Variants in SAMD5 observed in about 807,000 individuals in gnomAD.
The protein encoded by SAMD5 is sterile alpha motif domain containing 5, also known as sterile alpha motif domain-containing protein 5.
Under a neutral mutation model 11.3 loss-of-function variants are expected in SAMD5, and 13 were observed. The observed-to-expected ratio is 1.15, with a 90% confidence interval of 0.75 to 1.83. The LOEUF is 1.83. SAMD5 is among the 40% of genes most tolerant of loss of function. The pLI, the probability that SAMD5 is intolerant of heterozygous loss-of-function variation, is 0.00. For synonymous variants in SAMD5, 129 were observed against 111.3 expected (o/e 1.16, Z -1.00); for missense variants, 255 against 239.1 (o/e 1.07, Z -0.44).
At chr6:147,588,518 G>A (rs754005076) in intron 1 of SAMD5, among the ~76,000 whole-genome samples, 1 of 151,732 alleles carries the variant, frequency 6.6e-6, no homozygotes, top group Non-Finnish European at 1.5e-5. Context: ...TAGAGACAGG[G>A]TCTCATCATG....
In SAMD5 at chr6:147,711,835, T is replaced by C. The variant is rs1009391314; in HGVS notation, c.163-25482T>C. On this transcript the variant is annotated intron_variant, in intron 1 of 1. Coordinates refer to the SAMD5 transcript ENST00000566741. The surrounding 1 kb of genome is among the most constrained non-coding windows in gnomAD (Gnocchi z 4.1). Reference sequence around the variant, plus strand: ...GATACTCTGATGACATTAGTAACAGTGTCAAATGTCATGAATGGCTAATTG... The same window carrying C: ...GATACTCTGATGACATTAGTAACAGCGTCAAATGTCATGAATGGCTAATTG... 5.9e-5 allele frequency among the ~76,000 whole-genome samples: 9 copies of C among 152,188 alleles called. No individual in the cohort carries two copies. Among genetic ancestry groups the C allele is most frequent in the African/African-American group, 1.9e-4 (8 of 41,444 alleles).
chr6:147,536,441 A>C (rs1788510485), intron 1 of SAMD5, among the ~76,000 whole-genome samples: 1 of 152,258 alleles, frequency 6.6e-6, no homozygotes, highest in African/African-American at 2.4e-5. Flanking sequence ...TAAAAGTTGC[A>C]AATAGCTTTA....
Position 147,627,694 on chromosome 6 carries a change from G to A in SAMD5, c.163-109623G>A, listed in dbSNP as rs141983477. 7.9e-5 allele frequency among the ~76,000 whole-genome samples: 12 copies of A among 152,140 alleles called. No homozygotes were observed. The East Asian group carries it at 2.3e-3, about 29-fold the overall frequency. On this transcript the variant is annotated intron_variant, in intron 1 of 1. Transcript: ENST00000566741. ...TCCTTTTCCCTGTGTTTTTTATGAT[G>A]CCCAGTCTAGATTTTTGCAGTGCTC...
At chr6:147,635,205 T>A (rs1790209784) in intron 1 of SAMD5, among the ~76,000 whole-genome samples, 1 of 144,964 alleles carries the variant, frequency 6.9e-6, no homozygotes, top group African/African-American at 2.5e-5. Context: ...GTCACTACCC[T>A]CATCGCCGTC....
At chr6:147,623,020 C>A (rs1039960363) in intron 1 of SAMD5, among the ~76,000 whole-genome samples, 1 of 152,182 alleles carries the variant, frequency 6.6e-6, no homozygotes, top group East Asian at 1.9e-4. Context: ...CCCACCAGGT[C>A]CCTCCCACAA....
chr6:147,927,887 T>C, the SAMD5 span, among the ~76,000 whole-genome samples: 296 of 152,328 alleles, frequency 1.9e-3, no homozygotes, highest in African/African-American at 6.9e-3. Flanking sequence ...AAATGTTAGA[T>C]TTTATCTAAA....
the SAMD5 span, among the ~76,000 whole-genome samples, chr6:147,834,528 G>A: frequency 1.3e-5 from 2 of 152,222 alleles, no homozygotes; most frequent in Non-Finnish European, 2.9e-5. Flanking sequence ...CGAGGACAAG[G>A]ATGAGAAGGC....
At chr6:147,712,170 T>G (rs1791409793) in intron 1 of SAMD5, among the ~76,000 whole-genome samples, 2 of 152,192 alleles carry the variant, frequency 1.3e-5, no homozygotes, top group African/African-American at 4.8e-5. Flanking sequence ...ATTTTCTAAG[T>G]GTACTTTGAT....
chr6:147,636,846 C>T (rs1047353313), intron 1 of SAMD5, among the ~76,000 whole-genome samples: 1 of 152,208 alleles, frequency 6.6e-6, no homozygotes, highest in African/African-American at 2.4e-5. Flanking sequence ...CTGCTACCTA[C>T]TATTGTATTA....
the SAMD5 span, among the ~76,000 whole-genome samples, chr6:147,760,288 G>T: frequency 1.3e-5 from 2 of 152,074 alleles, no homozygotes; most frequent in Non-Finnish European, 2.9e-5. Flanking sequence ...GTATATGTTT[G>T]GATGTCTCCT....
chr6:147,908,532 A>G, the SAMD5 span, among the ~76,000 whole-genome samples: 11 of 152,110 alleles, frequency 7.2e-5, no homozygotes, highest in East Asian at 7.7e-4. Context: ...CTTCCGATTC[A>G]TTGTCCATTA....
chr6:147,694,586 GTGGGTGGAT>G (rs199504001), intron 1 of SAMD5, among the ~76,000 whole-genome samples: 4,458 of 152,260 alleles, frequency 0.029, 93 homozygotes, highest in Non-Finnish European at 0.045. Flanking sequence ...GGAGGCCAAG[GTGGGTGGAT>G]CGCTTGAGTC....
At chr6:147,761,449 T>C in the SAMD5 span, among the ~76,000 whole-genome samples, 1 of 152,124 alleles carries the variant, frequency 6.6e-6, no homozygotes, top group Non-Finnish European at 1.5e-5. Flanking sequence ...GATATGGGCT[T>C]TGATAGGACA....
chr6:147,537,615 G>A (rs1027847677), intron 1 of SAMD5, among the ~76,000 whole-genome samples: 4 of 151,968 alleles, frequency 2.6e-5, no homozygotes, highest in Admixed American at 6.6e-5. Flanking sequence ...ATTAGCGGGC[G>A]TGGTGGCGGG....
At chr6:147,853,707 GCT>G in the SAMD5 span, among the ~76,000 whole-genome samples, 90 of 150,834 alleles carry the variant, frequency 6.0e-4, 1 homozygote, top group South Asian at 0.017. Context: ...GAAAAACTTT[GCT>G]CTGTTGGATA....
chr6:147,802,781 C>G, the SAMD5 span, among the ~76,000 whole-genome samples: 1 of 152,144 alleles, frequency 6.6e-6, no homozygotes, highest in African/African-American at 2.4e-5. Context: ...GTGAAAGAAA[C>G]CAGATACAAG....
At chr6:147,649,218 G>T (rs949534143) in intron 1 of SAMD5, among the ~76,000 whole-genome samples, 5 of 152,104 alleles carry the variant, frequency 3.3e-5, no homozygotes, top group African/African-American at 4.8e-5. Flanking sequence ...TTTTATTTTA[G>T]TTTAGTTTTG....
intron 1 of SAMD5, among the ~76,000 whole-genome samples, chr6:147,719,702 G>T (rs1791519426): frequency 6.6e-6 from 1 of 152,178 alleles, no homozygotes; most frequent in Admixed American, 6.5e-5. Flanking sequence ...TCGTGGGAGA[G>T]CATAAGCAGA....
intron 1 of SAMD5, among the ~76,000 whole-genome samples, chr6:147,543,087 C>A (rs1034944437): frequency 6.6e-6 from 1 of 152,282 alleles, no homozygotes; most frequent in Admixed American, 6.5e-5. Flanking sequence ...TTGAAAACCA[C>A]TGATTGGCAT....
Sources: allele counts gnomAD v4.1 joint callset (sites outside exome capture counted in the v4.1 genomes callset), GRCh38; gene constraint gnomAD v4.1.1; non-coding constraint Gnocchi (gnomAD v3.1); transcripts MANE v1.5; gene names NCBI Gene and HGNC (gene_info 2026-07-23, HGNC 2026-07-21).